SH2B3: variants seen among roughly 807,000 people sequenced by gnomAD.
The protein encoded by SH2B3 is SH2B adapter protein 3.
In SH2B3, 43 loss-of-function variants were observed where a neutral mutation model predicts 51.9. The observed-to-expected ratio is 0.83, with a 90% confidence interval of 0.65 to 1.07. SH2B3 has a LOEUF of 1.07. SH2B3 is among the 50% of genes least tolerant of loss of function. SH2B3 has a pLI of 0.00. For missense variants in SH2B3, 952 were observed against 834.3 expected, an observed-to-expected ratio of 1.14 and a Z score of -1.74; for synonymous variants, 396 against 376.0, an observed-to-expected ratio of 1.05 and a Z score of -0.62.
intron 2 of SH2B3, chr12:111,445,004 G>C (rs118086247): frequency 5.4e-4 from 202 of 374,884 alleles, no homozygotes; most frequent in Non-Finnish European, 6.3e-4. Context: ...TGGCAGCCAG[G>C]CTGGCTGTGG....
intron 1 of SH2B3, among the ~76,000 whole-genome samples, chr12:111,408,811 T>A (rs1421195874): frequency 6.6e-6 from 1 of 152,244 alleles, no homozygotes; most frequent in Non-Finnish European, 1.5e-5. Flanking sequence ...CTCCCATTGC[T>A]GGGGATCCTT....
At chr12:111,414,327 C>G (rs571522389) in intron 1 of SH2B3, among the ~76,000 whole-genome samples, 8 of 152,318 alleles carry the variant, frequency 5.3e-5, no homozygotes, top group Admixed American at 4.6e-4. Context: ...CACGGTGGCT[C>G]ATGCCTGTAA....
At chr12:111,420,949 A>G (rs1273971441) in intron 2 of SH2B3, among the ~76,000 whole-genome samples, 2 of 152,156 alleles carry the variant, frequency 1.3e-5, no homozygotes, top group Admixed American at 6.5e-5. Flanking sequence ...TGCGTGAAGT[A>G]TGAGACACAT....
chr12:111,434,881 C>A, intron 2 of SH2B3: 1 of 1,535,464 alleles, frequency 6.5e-7, no homozygotes, highest in South Asian at 1.2e-5. Context: ...AGAGTCCGTG[C>A]CGGGTGGAGC....
intron 2 of SH2B3, among the ~76,000 whole-genome samples, chr12:111,427,023 C>G (rs1872058257): frequency 6.6e-6 from 1 of 152,106 alleles, no homozygotes; most frequent in African/African-American, 2.4e-5. Context: ...GGAAATTGCA[C>G]TGGTTGCCAC....
intron 2 of SH2B3, among the ~76,000 whole-genome samples, chr12:111,445,656 C>T (rs1439002577): frequency 2.6e-5 from 4 of 152,250 alleles, no homozygotes; most frequent in African/African-American, 9.6e-5. Context: ...CCCGGGAGCT[C>T]CCAGGAGACC....
At position 111,442,111 on chromosome 12, in the gene SH2B3, A is replaced by C. The variant is rs1164736914; in HGVS notation, c.733-4642A>C. ...TAAGCTTGGATTAAGTATTTTCCAT[A>C]ATAATGCTCATTCATCCATCCCGGC... On this transcript the variant is annotated intron_variant, in intron 2 of 7. Coordinates refer to ENST00000341259, the MANE Select transcript of SH2B3 (RefSeq NM_005475.3). Among the ~76,000 whole-genome samples, 4 of 152,066 alleles carry C rather than the reference A, an allele frequency of 2.6e-5. No individual in the cohort carries two copies. The East Asian group carries it at 5.8e-4, about 22-fold the overall frequency.
intron 2 of SH2B3, among the ~76,000 whole-genome samples, chr12:111,428,884 G>A (rs996987038): frequency 6.6e-6 from 1 of 152,108 alleles, no homozygotes; most frequent in Non-Finnish European, 1.5e-5. Flanking sequence ...GGCCACAGGA[G>A]TCGGGCTCTG....
chr12:111,405,694 G>C (rs763506765), upstream of SH2B3, among the ~76,000 whole-genome samples: 36 of 152,314 alleles, frequency 2.4e-4, no homozygotes, highest in Non-Finnish European at 4.7e-4. The surrounding 1 kb of genome is among the most constrained non-coding windows in gnomAD (Gnocchi z 5.4). Context: ...GCAAGGCCTC[G>C]CCTTTTTCCG....
chr12:111,445,898 T>C (rs1197925011), intron 2 of SH2B3, among the ~76,000 whole-genome samples: 1 of 152,264 alleles, frequency 6.6e-6, no homozygotes, highest in Non-Finnish European at 1.5e-5. Context: ...TATGCCCTTT[T>C]GGGCTGAGGT....
At chr12:111,428,426 G>A (rs963785703) in intron 2 of SH2B3, among the ~76,000 whole-genome samples, 1 of 152,204 alleles carries the variant, frequency 6.6e-6, no homozygotes, top group Non-Finnish European at 1.5e-5. Flanking sequence ...ATCCCCTTTC[G>A]AGCCAGGTGT....
intron 3 of SH2B3, 27 bp from the exon 4 acceptor site, chr12:111,446,915 C>T (rs1225321962): frequency 1.2e-6 from 2 of 1,609,160 alleles, no homozygotes; most frequent in Non-Finnish European, 8.5e-7. Context: ...ACAGCAGACC[C>T]AACCCTGTTC....
intron 1 of SH2B3, among the ~76,000 whole-genome samples, chr12:111,411,579 A>G (rs1317047386): frequency 6.6e-6 from 1 of 152,164 alleles, no homozygotes; most frequent in African/African-American, 2.4e-5. Flanking sequence ...CAGCGATTCA[A>G]GGTCCTGCGA....
chr12:111,447,245 T>C (rs374316054), intron 5 of SH2B3, 26 bp downstream of exon 5: 71 of 1,598,394 alleles, frequency 4.4e-5, no homozygotes, highest in Non-Finnish European at 5.8e-5. Context: ...GCTAGGCCAT[T>C]GTCTTCTGGG....
intron 2 of SH2B3, among the ~76,000 whole-genome samples, chr12:111,437,893 C>T (rs1050315934): frequency 1.3e-5 from 2 of 152,244 alleles, no homozygotes; most frequent in Non-Finnish European, 2.9e-5. Flanking sequence ...CCAAGTACCT[C>T]CTCTGGGCCT....
At position 111,447,812 on chromosome 12, in the gene SH2B3, G is replaced by A. The variant is rs374482426; in HGVS notation, c.1393G>A (p.Val465Ile). 31 of 1,613,800 alleles carry A rather than the reference G, an allele frequency of 1.9e-5. No individual in the cohort carries two copies. The highest frequency in any genetic ancestry group is 1.7e-4 in the Middle Eastern group (1 of 6,030). The change falls in exon 7 of 8, where the codon GTC becomes ATC. Residue 465 changes from valine (V) to isoleucine (I), a missense_variant. Val to Ile is a conservative substitution (Grantham distance 29). Transcript: ENST00000341259. ...CCGGCTCTCCAGCTACGTGGTAGTCGTCTCCCAACCACCAGGTCTGACCCT... is the reference window on the plus strand; with the variant it reads ...CCGGCTCTCCAGCTACGTGGTAGTCATCTCCCAACCACCAGGTCTGACCCT... ...DVRLSSYVVV[V>I]SQPPGSCNTV...
intron 2 of SH2B3, among the ~76,000 whole-genome samples, chr12:111,441,098 C>A (rs1341422828): frequency 6.6e-6 from 1 of 151,926 alleles, no homozygotes; most frequent in Non-Finnish European, 1.5e-5. Flanking sequence ...GCCTCAAAAA[C>A]AAAATACACA....
chr12:111,437,981 G>A (rs1219832574), intron 2 of SH2B3, among the ~76,000 whole-genome samples: 1 of 152,344 alleles, frequency 6.6e-6, no homozygotes, highest in African/African-American at 2.4e-5. Flanking sequence ...CAGTCAGATG[G>A]TGGAGGCAGT....
At chr12:111,422,006 C>T (rs1236371791) in intron 2 of SH2B3, among the ~76,000 whole-genome samples, 5 of 152,208 alleles carry the variant, frequency 3.3e-5, no homozygotes, top group East Asian at 1.9e-4. Flanking sequence ...TGTGTCCCAC[C>T]GGCAGTGGGC....
Sources: gnomAD v4.1 joint callset for allele counts (sites outside exome capture counted in the v4.1 genomes callset) on GRCh38, gnomAD v4.1.1 for gene constraint, Gnocchi (gnomAD v3.1) non-coding constraint, MANE v1.5 for transcripts, NCBI Gene and HGNC (gene_info 2026-07-23, HGNC 2026-07-21) for gene names.